LRP1B: variants seen among roughly 807,000 people sequenced by gnomAD.
The protein encoded by LRP1B is low-density lipoprotein receptor-related protein 1B.
Under a neutral mutation model 556.6 loss-of-function variants are expected in LRP1B, and 217 were observed. The observed-to-expected ratio is 0.39, with a 90% CI of 0.35 to 0.44. The LOEUF (loss-of-function observed/expected upper bound fraction) is 0.44, where lower values mean the gene tolerates loss of function less well. Ranked by LOEUF, LRP1B falls within the 20% of genes least tolerant of loss-of-function variation. The probability of loss-of-function intolerance (pLI) is 1.00; values close to 1 mark genes in which losing one functional copy is unlikely to be tolerated. For missense variants in LRP1B, 5,053 were observed against 5,620.8 expected (o/e 0.90, Z 3.23); for synonymous variants, 2,047 against 1,865.8 (o/e 1.10, Z -2.50).
chr2:141,230,178 G>A (rs548756935), intron 5 of LRP1B, among the ~76,000 whole-genome samples: 66 of 152,238 alleles, frequency 4.3e-4, no homozygotes, highest in African/African-American at 1.4e-3. Context: ...TAGAAAATTC[G>A]TGTTGATAGA....
At chr2:141,659,101 C>T (rs1690118303) in intron 2 of LRP1B, among the ~76,000 whole-genome samples, 2 of 152,046 alleles carry the variant, frequency 1.3e-5, no homozygotes, top group African/African-American at 4.8e-5. Context: ...ATGGGGTCTC[C>T]CTGTGTTGCC....
chr2:140,994,711 G>A (rs930378502), intron 15 of LRP1B, among the ~76,000 whole-genome samples: 4 of 151,842 alleles, frequency 2.6e-5, no homozygotes, highest in Non-Finnish European at 5.9e-5. Context: ...AAAACATTAT[G>A]TTGTACACCT....
chr2:141,810,438 A>G (rs2105708030), intron 1 of LRP1B, 37 bp from the exon 2 acceptor site: 1 of 1,607,654 alleles, frequency 6.2e-7, no homozygotes. Flanking sequence ...AATATGAATG[A>G]TCTGAACATG....
At chr2:140,404,180 T>C in intron 66 of LRP1B, among the ~76,000 whole-genome samples, 1 of 138,662 alleles carries the variant, frequency 7.2e-6, no homozygotes, top group East Asian at 2.0e-4. Context: ...TTTTTTTTTT[T>C]TTTTTTTTTT....
intron 43 of LRP1B, among the ~76,000 whole-genome samples, chr2:140,591,617 T>C (rs1463294858): frequency 3.3e-5 from 5 of 152,164 alleles, no homozygotes; most frequent in African/African-American, 9.7e-5. Context: ...ATGATAGCTA[T>C]ATAGTCTAGT....
intron 1 of LRP1B, among the ~76,000 whole-genome samples, chr2:141,952,643 A>T (rs1208737810): frequency 6.6e-6 from 1 of 152,168 alleles, no homozygotes; most frequent in Non-Finnish European, 1.5e-5. Flanking sequence ...GGTTCTGAAT[A>T]TGAAATGCTG....
chr2:141,753,895 G>T (rs1247377833), intron 2 of LRP1B, among the ~76,000 whole-genome samples: 1 of 152,030 alleles, frequency 6.6e-6, no homozygotes, highest in Admixed American at 6.6e-5. Flanking sequence ...ACCGTGTCCA[G>T]CTCATTTATC....
At chr2:142,123,553 G>A (rs924834650) in intron 1 of LRP1B, among the ~76,000 whole-genome samples, 1 of 151,874 alleles carries the variant, frequency 6.6e-6, no homozygotes, top group African/African-American at 2.4e-5. Flanking sequence ...TGAGGTGTAT[G>A]CAACTCAGGA....
intron 14 of LRP1B, 55 bp from the exon 15 acceptor site, chr2:141,005,512 G>C (rs972240710): frequency 4.7e-5 from 74 of 1,584,726 alleles, no homozygotes; most frequent in Non-Finnish European, 6.1e-5. Context: ...GTTCTTTCTA[G>C]GAGGTGAACA....
At chr2:140,741,189 G>A (rs1049501480) in intron 35 of LRP1B, among the ~76,000 whole-genome samples, 2 of 152,180 alleles carry the variant, frequency 1.3e-5, no homozygotes, top group Non-Finnish European at 2.9e-5. Context: ...ACTAGAAATT[G>A]TATTACATCA....
At chr2:140,488,006 G>T (rs2105367532) in intron 57 of LRP1B, among the ~76,000 whole-genome samples, 1 of 151,958 alleles carries the variant, frequency 6.6e-6, no homozygotes. Flanking sequence ...TAAATAAATA[G>T]CCAGTAACGT....
intron 3 of LRP1B, among the ~76,000 whole-genome samples, chr2:141,308,507 T>A (rs1191192909): frequency 2.0e-5 from 3 of 152,200 alleles, no homozygotes; most frequent in African/African-American, 7.2e-5. Flanking sequence ...TTTGTCAACA[T>A]CTACTATAAT....
chr2:142,102,546 A>T (rs945589183), intron 1 of LRP1B, among the ~76,000 whole-genome samples: 1 of 115,254 alleles, frequency 8.7e-6, no homozygotes, highest in East Asian at 3.8e-4. Context: ...AAAAAATTAA[A>T]ATAAAATAAA....
chr2:140,264,956 G>T (rs1682132427), intron 86 of LRP1B, among the ~76,000 whole-genome samples: 1 of 134,942 alleles, frequency 7.4e-6, no homozygotes, highest in Non-Finnish European at 1.8e-5. Context: ...GCTGTGTTAT[G>T]CAGTGAGTAT....
chr2:140,837,521 C>G (rs1239663511), intron 31 of LRP1B, among the ~76,000 whole-genome samples: 2 of 152,060 alleles, frequency 1.3e-5, no homozygotes, highest in Non-Finnish European at 2.9e-5. Flanking sequence ...TTTTGAAAAT[C>G]TATTTTTTAA....
chr2:141,096,683 A>AGAGG (rs1700329463), intron 7 of LRP1B, among the ~76,000 whole-genome samples: 1 of 133,714 alleles, frequency 7.5e-6, no homozygotes, highest in Non-Finnish European at 1.6e-5. Flanking sequence ...AGAGAGAGAG[A>AGAGG]GAGAGAGAAA....
rs78339051 is a variant in LRP1B at position 141,183,426 on chromosome 2, T to C, written c.1013+4995A>G. On this transcript the variant is annotated intron_variant, in intron 7 of 90. Coordinates refer to ENST00000389484, the MANE Select transcript of LRP1B (RefSeq NM_018557.3). The stretch of plus-strand genomic sequence containing the variant: ...TCAATCTTTAATTTCTCAGTCATTA[T>C]TAGCTTCAACAGGTGGGTGATGGGA... Among the ~76,000 whole-genome samples, 486 of 151,318 alleles carry C rather than the reference T, an allele frequency of 3.2e-3. 2 individuals carry two copies. The highest frequency in any genetic ancestry group is 0.011 in the African/African-American group (460 of 41,474).
At chr2:141,593,987 C>G (rs1687427977) in intron 2 of LRP1B, among the ~76,000 whole-genome samples, 1 of 151,978 alleles carries the variant, frequency 6.6e-6, no homozygotes, top group East Asian at 1.9e-4. Context: ...GATTGATCCC[C>G]ACCCTTCACC....
intron 2 of LRP1B, among the ~76,000 whole-genome samples, chr2:141,788,842 T>C (rs1695512922): frequency 6.6e-6 from 1 of 152,084 alleles, no homozygotes; most frequent in Non-Finnish European, 1.5e-5. Flanking sequence ...TCCAGCTTCA[T>C]CCATGTCCCT....
Sources: allele counts gnomAD v4.1 joint callset (sites outside exome capture counted in the v4.1 genomes callset), GRCh38; gene constraint gnomAD v4.1.1; transcripts MANE v1.5; gene names NCBI Gene and HGNC (gene_info 2026-07-23, HGNC 2026-07-21).